DISP1: variants seen among roughly 807,000 people sequenced by gnomAD.
DISP1 encodes dispatched RND transporter family member 1.
In DISP1, 30 loss-of-function variants were observed where a neutral mutation model predicts 37.3. The ratio of observed to expected loss-of-function variants is 0.80; its 90% CI spans 0.60 to 1.09. The LOEUF (loss-of-function observed/expected upper bound fraction) is 1.09, where lower values mean the gene tolerates loss of function less well. Ranked by LOEUF, DISP1 falls within the 50% of genes least tolerant of loss-of-function variation. The pLI is 0.00. For synonymous variants in DISP1, 634 were observed against 690.2 expected, an observed-to-expected ratio of 0.92 and a Z score of 1.28; for missense variants, 1,598 against 1,879.5, an observed-to-expected ratio of 0.85 and a Z score of 2.77.
intron 3 of DISP1, among the ~76,000 whole-genome samples, chr1:222,976,065 G>GA (rs1677303066): frequency 1.3e-5 from 2 of 152,052 alleles, no homozygotes; most frequent in Non-Finnish European, 2.9e-5. Flanking sequence ...TCAAAGAACA[G>GA]AAAAATGTTC....
At chr1:222,939,019 T>C (rs1393609851) in intron 2 of DISP1, among the ~76,000 whole-genome samples, 3 of 152,212 alleles carry the variant, frequency 2.0e-5, no homozygotes, top group Non-Finnish European at 4.4e-5. Context: ...ATTGGTCCCA[T>C]GTTATAATTA....
At chr1:222,984,435 T>TATATATATATATATATATATAG (rs67660273) in intron 4 of DISP1, among the ~76,000 whole-genome samples, 3 of 108,372 alleles carry the variant, frequency 2.8e-5, no homozygotes, top group South Asian at 6.5e-4. Context: ...TATATATATA[T>TATATATATATATATATATATAG]AGAGAGAGAG....
intron 1 of DISP1, among the ~76,000 whole-genome samples, chr1:222,841,827 G>A (rs1219732883): frequency 6.6e-6 from 1 of 152,174 alleles, no homozygotes; most frequent in African/African-American, 2.4e-5. Flanking sequence ...GATGGAATAT[G>A]TATGTGTGAC....
intron 1 of DISP1, among the ~76,000 whole-genome samples, chr1:222,888,243 G>C (rs759002319): frequency 6.6e-6 from 1 of 152,172 alleles, no homozygotes; most frequent in Admixed American, 6.5e-5. Flanking sequence ...AGTCTCGCTA[G>C]TAATTTTTAA....
At chr1:222,921,692 A>ATTCTGC (rs1356279245) in intron 1 of DISP1, among the ~76,000 whole-genome samples, 1 of 152,216 alleles carries the variant, frequency 6.6e-6, no homozygotes, top group East Asian at 1.9e-4. Flanking sequence ...TCAATACTGT[A>ATTCTGC]TTCTGCTTAA....
intron 3 of DISP1, among the ~76,000 whole-genome samples, chr1:222,977,344 T>TTC (rs1677431497): frequency 6.7e-6 from 1 of 148,874 alleles, no homozygotes; most frequent in African/African-American, 2.5e-5. Context: ...AGCATATTCT[T>TTC]TTTTTTTTTT....
intron 1 of DISP1, among the ~76,000 whole-genome samples, chr1:222,898,831 G>A (rs918658965): frequency 3.0e-4 from 46 of 151,936 alleles, no homozygotes; most frequent in African/African-American, 4.6e-4. Context: ...TTTCATTGCC[G>A]TATATCTCCT....
At chr1:222,836,451 C>T (rs996947764) in intron 1 of DISP1, among the ~76,000 whole-genome samples, 3 of 152,098 alleles carry the variant, frequency 2.0e-5, no homozygotes, top group African/African-American at 7.2e-5. Flanking sequence ...TTATGACAGA[C>T]AAACTTTATT....
chr1:222,990,586 A>T, intron 4 of DISP1, 39 bp from the exon 5 acceptor site: 1 of 1,613,478 alleles, frequency 6.2e-7, no homozygotes, highest in Non-Finnish European at 8.5e-7. Context: ...TTCTGTAGTT[A>T]TGCAGCTCTG....
intron 1 of DISP1, among the ~76,000 whole-genome samples, chr1:222,919,561 T>G (rs1672698501): frequency 6.6e-6 from 1 of 152,190 alleles, no homozygotes; most frequent in Non-Finnish European, 1.5e-5. Flanking sequence ...TGCTTTTGTT[T>G]TAAGTTTTCA....
intron 1 of DISP1, among the ~76,000 whole-genome samples, chr1:222,862,327 T>C (rs74622845): frequency 0.013 from 1,975 of 152,282 alleles, 35 homozygotes; most frequent in African/African-American, 0.045. Context: ...CTCGGAGTCA[T>C]TTGAGAATCA....
At chr1:222,916,855 A>G (rs1672518649) in intron 1 of DISP1, among the ~76,000 whole-genome samples, 1 of 152,184 alleles carries the variant, frequency 6.6e-6, no homozygotes, top group Non-Finnish European at 1.5e-5. Flanking sequence ...TCAGGCTGAA[A>G]GAGTGAGGGT....
At chr1:222,979,594 G>C (rs1396146168) in intron 3 of DISP1, 2 of 470,938 alleles carry the variant, frequency 4.2e-6, no homozygotes, top group East Asian at 1.4e-4. Flanking sequence ...TGAAAATACA[G>C]CTTTTGGGGG....
chr1:222,818,814 A>AAT (rs1302851213), intron 1 of DISP1, among the ~76,000 whole-genome samples: 62 of 152,362 alleles, frequency 4.1e-4, no homozygotes, highest in Non-Finnish European at 5.9e-5. Context: ...GCAACACCTA[A>AAT]ATTGGTGTTT....
chr1:222,969,372 A>G (rs1676757304), intron 3 of DISP1, among the ~76,000 whole-genome samples: 1 of 149,174 alleles, frequency 6.7e-6, no homozygotes, highest in South Asian at 2.1e-4. Context: ...CTTGGTCTCA[A>G]AAAAAAAAAA....
In DISP1 at chr1:222,989,482, G is replaced by A. The variant is rs1175105482; in HGVS notation, c.540-1143G>A. The A allele has an allele frequency of 3.0e-6, 3 of 985,406 alleles. No homozygotes were observed. The African/African-American group carries it at 5.2e-5, about 17-fold the overall frequency. 61.0% of individuals were successfully genotyped at this position (985,406 alleles called of 1,614,324 possible). On this transcript the variant is annotated intron_variant, in intron 4 of 8. Coordinates refer to ENST00000675850, the MANE Select transcript of DISP1 (RefSeq NM_001377229.1). ...TGCCAAAATAATAACGTGTGATCCAGGACCTCATGGAAGGGATACAGAAAC... is the reference window on the plus strand; with the variant it reads ...TGCCAAAATAATAACGTGTGATCCAAGACCTCATGGAAGGGATACAGAAAC...
At chr1:222,948,981 G>A (rs1460801274) in intron 3 of DISP1, among the ~76,000 whole-genome samples, 3 of 152,170 alleles carry the variant, frequency 2.0e-5, no homozygotes, top group Admixed American at 6.5e-5. Context: ...CTTTTGTATA[G>A]TAGACTCTCT....
intron 1 of DISP1, among the ~76,000 whole-genome samples, chr1:222,914,027 C>T (rs1156847477): frequency 7.1e-6 from 1 of 141,162 alleles, no homozygotes; most frequent in Non-Finnish European, 1.5e-5. Context: ...TTAACCCAAG[C>T]TTACATAGGT....
rs138458667 is a variant in DISP1, at chr1:222,916,251, G to A, written c.-158-12179G>A. Among the ~76,000 whole-genome samples the A allele has an allele frequency of 4.1e-3, 620 of 152,238 alleles. 12 individuals carry two copies. The highest frequency in any genetic ancestry group is 0.017 in the South Asian group (81 of 4,820). ...CCCCAACATAGTAGCATACTTTATGGCAAATATATGGTCGCTTGATATGAG... is the reference window on the plus strand; with the variant it reads ...CCCCAACATAGTAGCATACTTTATGACAAATATATGGTCGCTTGATATGAG... On this transcript the variant is annotated intron_variant, in intron 1 of 8. Coordinates refer to ENST00000675850, the MANE Select transcript of DISP1 (RefSeq NM_001377229.1).
Sources: gnomAD v4.1 joint callset for allele counts (sites outside exome capture counted in the v4.1 genomes callset) on GRCh38, gnomAD v4.1.1 for gene constraint, MANE v1.5 for transcripts, NCBI Gene and HGNC (gene_info 2026-07-23, HGNC 2026-07-21) for gene names.